The following GPC5 variants were observed in gnomAD, a reference collection of about 807,000 sequenced individuals.
The protein encoded by GPC5 is glypican-5.
Under a neutral mutation model 53.9 loss-of-function variants are expected in GPC5, and 47 were observed. That is an observed-to-expected ratio of 0.87 (90% CI 0.69 to 1.11). The LOEUF (loss-of-function observed/expected upper bound fraction) is 1.11. GPC5 is among the 50% of genes most tolerant of loss of function. The probability of loss-of-function intolerance (pLI) is 0.00; values close to 1 mark genes in which losing one functional copy is unlikely to be tolerated. For synonymous variants in GPC5, 286 were observed against 263.3 expected (o/e 1.09, Z -0.84); for missense variants, 748 against 713.1 (o/e 1.05, Z -0.56).
chr13:92,489,523 T>C (rs1296233692), intron 7 of GPC5, among the ~76,000 whole-genome samples: 1 of 152,086 alleles, frequency 6.6e-6, no homozygotes, highest in African/African-American at 2.4e-5. Context: ...TTGAGGGATA[T>C]GGACAGGGTT....
intron 7 of GPC5, among the ~76,000 whole-genome samples, chr13:92,577,101 T>C (rs1462230712): frequency 1.3e-5 from 2 of 152,228 alleles, no homozygotes; most frequent in Admixed American, 6.5e-5. Context: ...AAAGTTCACC[T>C]ACCTTTAGTC....
intron 6 of GPC5, among the ~76,000 whole-genome samples, chr13:92,008,639 G>T (rs557485264): frequency 3.3e-5 from 5 of 152,154 alleles, no homozygotes; most frequent in Middle Eastern, 3.4e-3. Flanking sequence ...TTAATTAAGC[G>T]GTTTCTGAGG....
intron 2 of GPC5, among the ~76,000 whole-genome samples, chr13:91,644,755 T>A (rs556220570): frequency 1.0e-3 from 156 of 152,206 alleles, no homozygotes; most frequent in Non-Finnish European, 1.9e-3. Flanking sequence ...TTTGTGAAAT[T>A]CTTTTAAAAA....
At chr13:92,652,635 T>C (rs1340277911) in intron 7 of GPC5, among the ~76,000 whole-genome samples, 2 of 152,190 alleles carry the variant, frequency 1.3e-5, no homozygotes, top group African/African-American at 4.8e-5. Context: ...CTAATCTCAA[T>C]GTCGTTACCT....
chr13:92,140,360 T>G (rs143017054), intron 6 of GPC5, among the ~76,000 whole-genome samples: 1 of 152,258 alleles, frequency 6.6e-6, no homozygotes, highest in East Asian at 1.9e-4. Flanking sequence ...GGGCCAAATT[T>G]GAACTTTTTT....
chr13:92,302,639 T>C (rs2043083445), intron 7 of GPC5, among the ~76,000 whole-genome samples: 1 of 152,232 alleles, frequency 6.6e-6, no homozygotes, highest in Non-Finnish European at 1.5e-5. Flanking sequence ...TATTTTGTTG[T>C]ATAGGAATAG....
At chr13:91,416,454 TTTATTA>T (rs368453925) in intron 1 of GPC5, among the ~76,000 whole-genome samples, 2,727 of 151,068 alleles carry the variant, frequency 0.018, 84 homozygotes, top group African/African-American at 0.062. Context: ...ATCCATTTCT[TTTATTA>T]TTATTATTAT....
At chr13:92,042,438 T>C (rs1052622514) in intron 6 of GPC5, among the ~76,000 whole-genome samples, 19 of 151,898 alleles carry the variant, frequency 1.3e-4, no homozygotes, top group Non-Finnish European at 1.9e-4. Flanking sequence ...ATAAGTGGAA[T>C]GTGATAACTC....
chr13:92,351,945 A>AT (rs2043481720), intron 7 of GPC5, among the ~76,000 whole-genome samples: 1 of 152,218 alleles, frequency 6.6e-6, no homozygotes, highest in African/African-American at 2.4e-5. Context: ...GTAATTATTT[A>AT]TAAAACTCAA....
chr13:91,832,885 A>C (rs1342416475), intron 5 of GPC5, among the ~76,000 whole-genome samples: 6 of 151,956 alleles, frequency 3.9e-5, no homozygotes, highest in Non-Finnish European at 5.9e-5. Context: ...CAAGAAATAA[A>C]TAAGATCAGA....
intron 2 of GPC5, among the ~76,000 whole-genome samples, chr13:91,513,757 A>G (rs7331720): frequency 0.074 from 11,322 of 152,048 alleles, 1,370 homozygotes; most frequent in African/African-American, 0.25. Flanking sequence ...AAGAAATAAT[A>G]ATAATAGAGA....
chr13:92,135,004 T>C (rs2041772442), intron 6 of GPC5, among the ~76,000 whole-genome samples: 1 of 152,270 alleles, frequency 6.6e-6, no homozygotes, highest in Middle Eastern at 3.4e-3. Context: ...TCATTAAACA[T>C]GTTAGAGGCA....
intron 1 of GPC5, among the ~76,000 whole-genome samples, chr13:91,425,545 C>T (rs965178061): frequency 3.5e-4 from 54 of 152,326 alleles, no homozygotes; most frequent in African/African-American, 1.2e-3. Flanking sequence ...CTCTCTTTCT[C>T]ATCTGCCACC....
intron 7 of GPC5, among the ~76,000 whole-genome samples, chr13:92,497,033 G>A (rs185930560): frequency 1.9e-4 from 29 of 152,154 alleles, no homozygotes; most frequent in African/African-American, 5.8e-4. Context: ...GATTACAAAA[G>A]TTTTCTCCCA....
chr13:92,379,771 T>C (rs2043724392), intron 7 of GPC5, among the ~76,000 whole-genome samples: 1 of 152,184 alleles, frequency 6.6e-6, no homozygotes. Flanking sequence ...TTAGTTCCTC[T>C]CTGTGTCCTC....
At chr13:91,795,490 C>T (rs536746887) in intron 5 of GPC5, among the ~76,000 whole-genome samples, 1 of 152,194 alleles carries the variant, frequency 6.6e-6, no homozygotes, top group South Asian at 2.1e-4. Context: ...CTATTTTAGC[C>T]ATGATTTGTT....
chr13:91,560,507 CA>C lies in GPC5; in HGVS notation c.325+111586del, dbSNP rs200289035. On this transcript the variant is annotated intron_variant, in intron 2 of 7. Coordinates refer to ENST00000377067, the MANE Select transcript of GPC5 (RefSeq NM_004466.6). Reference sequence around the variant, plus strand: ...GTGTAGGCAGAGACATGCCAGTAATCACAATGCCTTAGCTTAAAGGGATTTG... The same window carrying C: ...GTGTAGGCAGAGACATGCCAGTAATCCAATGCCTTAGCTTAAAGGGATTTG... Among the ~76,000 whole-genome samples, 1,199 of 152,182 alleles carry C rather than the reference CA, an allele frequency of 7.9e-3. 62 individuals are homozygous for C. The highest frequency in any genetic ancestry group is 0.073 in the Admixed American group (1,119 of 15,276).
At chr13:92,199,866 T>C (rs894084013) in intron 7 of GPC5, among the ~76,000 whole-genome samples, 22 of 152,318 alleles carry the variant, frequency 1.4e-4, no homozygotes, top group African/African-American at 5.0e-4. Flanking sequence ...CTGCTGTATA[T>C]AACATCGTGT....
chr13:92,867,024 T>C lies in GPC5; in HGVS notation c.*585T>C, dbSNP rs1566451977. On this transcript the variant is annotated 3_prime_UTR_variant, in exon 8 of 8. Transcript: ENST00000377067. ...ATATAATTTCACTGAAGAACCTTGA[T>C]AATTTTGACCCACTGTAACTTAGCC... 1 of 152,136 alleles carries C rather than the reference T, an allele frequency of 6.6e-6. No homozygotes were observed. Among genetic ancestry groups the C allele is most frequent in the Non-Finnish European group, 1.5e-5 (1 of 68,010 alleles). 9.4% of individuals were successfully genotyped at this position (152,136 alleles called of 1,614,324 possible).
Sources: allele counts gnomAD v4.1 joint callset (sites outside exome capture counted in the v4.1 genomes callset), GRCh38; gene constraint gnomAD v4.1.1; transcripts MANE v1.5; gene names NCBI Gene and HGNC (gene_info 2026-07-23, HGNC 2026-07-21).